The following GGH variants were observed in gnomAD, a reference collection of about 807,000 sequenced individuals.
The protein encoded by GGH is gamma-Glu-X carboxypeptidase.
GGH carries 18 observed loss-of-function variants against 39.2 expected under a neutral mutation model. The observed-to-expected ratio is 0.46, with a 90% CI of 0.32 to 0.68. The LOEUF (loss-of-function observed/expected upper bound fraction) is 0.68. Among genes scored for constraint, GGH ranks in the 30% least tolerant of loss-of-function variants. The probability of loss-of-function intolerance (pLI) is 0.04; values close to 1 mark genes in which losing one functional copy is unlikely to be tolerated. For synonymous variants in GGH, 147 were observed against 138.8 expected, an observed-to-expected ratio of 1.06 and a Z score of -0.42; for missense variants, 367 against 384.1, an observed-to-expected ratio of 0.96 and a Z score of 0.37.
chr8:63,024,092 G>A lies in GGH; in HGVS notation c.594C>T (p.Ser198=), dbSNP rs536524880. Residue 198 remains serine, a synonymous_variant, in exon 6 of 9, where the codon AGC becomes AGT. Coordinates refer to ENST00000260118, the MANE Select transcript of GGH (RefSeq NM_003878.3). ...EPLTANFHKW[S]LSVKNFTMNE... is the part of the protein sequence containing the mutation. The stretch of plus-strand genomic sequence containing the variant: ...ATTAGTGTGATACCTTCACGGAGAG[G>A]CTCCACTTATGGAAATTGGCAGTCA... 2.4e-4 allele frequency: 383 copies of A among 1,597,480 alleles called. 9 individuals carry two copies. In the South Asian group the frequency reaches 4.0e-3, roughly 17 times the overall value.
intron 7 of GGH, among the ~76,000 whole-genome samples, chr8:63,021,907 C>G (rs928741584): frequency 1.3e-5 from 2 of 152,112 alleles, no homozygotes; most frequent in Non-Finnish European, 2.9e-5. Flanking sequence ...CTCCTGACCT[C>G]AAGAAATCTG....
intron 2 of GGH, among the ~76,000 whole-genome samples, chr8:63,032,010 C>T (rs1804815095): frequency 6.6e-6 from 1 of 152,126 alleles, no homozygotes; most frequent in African/African-American, 2.4e-5. Flanking sequence ...AACAAAAATT[C>T]AGACTCTTAT....
At chr8:63,026,402 T>A in intron 4 of GGH, 106 bp from the exon 5 acceptor site, 1 of 799,234 alleles carries the variant, frequency 1.3e-6, no homozygotes. Flanking sequence ...TACACATGGA[T>A]TTCTGAAGAA....
intron 4 of GGH, 28 bp downstream of exon 4, chr8:63,027,153 G>A: frequency 9.8e-7 from 1 of 1,021,642 alleles, no homozygotes; most frequent in South Asian, 1.3e-5. Flanking sequence ...AAACCCATCT[G>A]GAATAATAAG....
intron 7 of GGH, 52 bp from the exon 8 acceptor site, chr8:63,017,682 T>G: frequency 8.9e-7 from 1 of 1,123,422 alleles, no homozygotes; most frequent in Non-Finnish European, 1.3e-6. Context: ...AAAATGTTAC[T>G]TATAATGAAA....
intron 7 of GGH, among the ~76,000 whole-genome samples, chr8:63,022,473 C>G (rs1445954494): frequency 6.6e-6 from 1 of 150,542 alleles, no homozygotes; most frequent in Non-Finnish European, 1.5e-5. Flanking sequence ...CATCTATCTT[C>G]TATTCTAGTT....
rs746110197 is a variant in GGH, at chr8:63,038,660, C to G, written c.109G>C (p.Gly37Arg). Residue 37 changes from glycine (G) to arginine (R), a missense_variant and splice_region_variant, in exon 1 of 9, where the codon GGA (glycine) becomes CGA (arginine). Transcript: ENST00000260118. ...HGDTAKKPII[G>R]ILMQKCRNKV... is the part of the protein sequence containing the mutation. ...CTGCGGCCCCGCACAGCCTCCTTAC[C>G]GATGATGGGCTTCTTGGCGGTGTCG... 2.7e-6 allele frequency: 4 copies of G among 1,506,992 alleles called. No individual in the cohort carries two copies. In the African/African-American group the frequency reaches 4.2e-5, roughly 16 times the overall value. 93.4% of individuals were successfully genotyped at this position (1,506,992 alleles called of 1,614,324 possible). A position where few individuals can be genotyped will look rare whatever the true frequency, so the allele number is the denominator to read the frequency against.
rs1358308578 is a variant in GGH at position 63,015,293 on chromosome 8, G to A, written c.*39C>T. 4 of 1,080,156 alleles carry A rather than the reference G, an allele frequency of 3.7e-6. No individual in the cohort carries two copies. In the South Asian group the frequency reaches 5.7e-5, roughly 15 times the overall value. 66.9% of individuals were successfully genotyped at this position (1,080,156 alleles called of 1,614,324 possible). A position where few individuals can be genotyped will look rare whatever the true frequency, so the allele number is the denominator to read the frequency against. ...AAGTTATTCTAACAGTTTAATCATG[G>A]AATTATTCAAATTTGCTCTGTTAAC... On this transcript the variant is annotated 3_prime_UTR_variant, in exon 9 of 9. Coordinates refer to ENST00000260118, the MANE Select transcript of GGH (RefSeq NM_003878.3).
intron 2 of GGH, among the ~76,000 whole-genome samples, chr8:63,031,353 C>T (rs955521170): frequency 1.3e-5 from 2 of 152,184 alleles, no homozygotes; most frequent in African/African-American, 2.4e-5. Context: ...TGGTGCTTAC[C>T]ATTCTTAAGT....
At chr8:63,034,314 T>C (rs1356272882) in intron 2 of GGH, among the ~76,000 whole-genome samples, 2 of 152,044 alleles carry the variant, frequency 1.3e-5, no homozygotes, top group African/African-American at 2.4e-5. Flanking sequence ...TAAAAGATCA[T>C]ACAAGAAGAC....
intron 5 of GGH, chr8:63,024,901 T>G (rs1000980191): frequency 2.6e-5 from 4 of 152,206 alleles, no homozygotes; most frequent in Admixed American, 2.0e-4. Flanking sequence ...TCTGACCTAA[T>G]ACATGTACTT....
chr8:63,015,171 T>C lies in GGH; in HGVS notation c.*161A>G, dbSNP rs1343052441. ...CTATTTATGTCTCACTATTTAATTA[T>C]CTAATGTTATATAAATAGTCACATA... On this transcript the variant is annotated 3_prime_UTR_variant, in exon 9 of 9. Coordinates refer to ENST00000260118, the MANE Select transcript of GGH (RefSeq NM_003878.3). 3.1e-5 allele frequency: 13 copies of C among 423,662 alleles called. No homozygotes were observed. Among genetic ancestry groups the C allele is most frequent in the Non-Finnish European group, 4.1e-5 (10 of 241,756 alleles). 26.2% of individuals were successfully genotyped at this position (423,662 alleles called of 1,614,324 possible). A position where few individuals can be genotyped will look rare whatever the true frequency, so the allele number is the denominator to read the frequency against.
chr8:63,016,143 C>T (rs1804483788), intron 8 of GGH, among the ~76,000 whole-genome samples: 1 of 152,118 alleles, frequency 6.6e-6, no homozygotes, highest in African/African-American at 2.4e-5. Flanking sequence ...CTCCCAAAGT[C>T]AAAGTAAATA....
At chr8:63,018,479 G>C (rs1804527142) in intron 7 of GGH, among the ~76,000 whole-genome samples, 1 of 152,164 alleles carries the variant, frequency 6.6e-6, no homozygotes, top group Non-Finnish European at 1.5e-5. Context: ...GAGATATCTA[G>C]GGGTAAGAGC....
chr8:63,017,345 C>T, intron 8 of GGH, 148 bp downstream of exon 8: 1 of 535,542 alleles, frequency 1.9e-6, no homozygotes, highest in Non-Finnish European at 3.3e-6. Context: ...AGGGCTTTCA[C>T]ATTATTTAAC....
rs1804695345 is a variant in GGH, at chr8:63,026,901, G to A, written c.360+280C>T. The A allele has an allele frequency of 1.4e-5, 5 of 352,376 alleles. No individual in the cohort carries two copies. The South Asian group carries it at 2.0e-4, about 14-fold the overall frequency. The allele number at this position is 352,376 out of a possible 1,614,324, so 21.8% of individuals were successfully genotyped here. ...ATAAAAAAAAAATAGGACAGAGAGAGACATCAGAATGTCTACACTACATGA... is the reference window on the plus strand; with the variant it reads ...ATAAAAAAAAAATAGGACAGAGAGAAACATCAGAATGTCTACACTACATGA... On this transcript the variant is annotated intron_variant, in intron 4 of 8. Transcript: ENST00000260118.
intron 5 of GGH, among the ~76,000 whole-genome samples, chr8:63,025,659 A>G (rs1188569000): frequency 2.6e-5 from 4 of 152,090 alleles, no homozygotes; most frequent in African/African-American, 9.7e-5. Context: ...TGAACCCTGG[A>G]GGTAGAGGTT....
intron 3 of GGH, among the ~76,000 whole-genome samples, chr8:63,029,399 G>A (rs79311799): frequency 0.1 from 15,375 of 152,000 alleles, 1,000 homozygotes; most frequent in East Asian, 0.34. Flanking sequence ...GTATTCTATT[G>A]AATGTACATA....
In GGH at chr8:63,030,219, T is replaced by A; in HGVS notation, c.225-2A>T. The A allele has an allele frequency of 7.5e-7, 1 of 1,332,900 alleles. No individual in the cohort carries two copies. Among genetic ancestry groups the A allele is most frequent in the Non-Finnish European group, 1.1e-6 (1 of 925,950 alleles). The allele number at this position is 1,332,900 out of a possible 1,614,324, so 82.6% of individuals were successfully genotyped here. ...TAGTCTTTCTCTGTAAGATCCAGCC[T>A]GAAAACAATAAAAGTTATTGTTACA... On this transcript the variant is annotated splice_acceptor_variant, in intron 2 of 8. Coordinates refer to ENST00000260118, the MANE Select transcript of GGH (RefSeq NM_003878.3). LOFTEE classifies it high-confidence loss of function.
Sources: allele counts gnomAD v4.1 joint callset (sites outside exome capture counted in the v4.1 genomes callset), GRCh38; gene constraint gnomAD v4.1.1; transcripts MANE v1.5; gene names NCBI Gene and HGNC (gene_info 2026-07-23, HGNC 2026-07-21).